NAV2: variants seen among roughly 807,000 people sequenced by gnomAD.
NAV2 encodes the protein neuron navigator 2.
A neutral mutation model predicts 223.2 loss-of-function variants in NAV2; 54 were observed. The observed-to-expected ratio is 0.24, with a 90% CI of 0.19 to 0.30. The LOEUF is 0.30. Among genes scored for constraint, NAV2 ranks in the 10% least tolerant of loss-of-function variants. The pLI, the probability that NAV2 is intolerant of heterozygous loss-of-function variation, is 1.00. For missense variants in NAV2, 2,806 were observed against 3,147.5 expected, an observed-to-expected ratio of 0.89 and a Z score of 2.60; for synonymous variants, 1,279 against 1,239.3, an observed-to-expected ratio of 1.03 and a Z score of -0.67.
intron 6 of NAV2, among the ~76,000 whole-genome samples, chr11:19,895,675 G>A (rs1484583056): frequency 2.6e-5 from 4 of 152,174 alleles, no homozygotes; most frequent in African/African-American, 7.2e-5. Flanking sequence ...GTCCCAGTCT[G>A]TAGAAGGGTG....
intron 1 of NAV2, among the ~76,000 whole-genome samples, chr11:19,779,764 C>A (rs1432053453): frequency 1.3e-5 from 2 of 152,214 alleles, no homozygotes; most frequent in African/African-American, 2.4e-5. Flanking sequence ...GTAAATGAGA[C>A]ATAATCTGTC....
intron 1 of NAV2, among the ~76,000 whole-genome samples, chr11:19,395,522 C>T (rs1184791133): frequency 6.6e-6 from 1 of 152,210 alleles, no homozygotes; most frequent in African/African-American, 2.4e-5. Flanking sequence ...GGTGCATCTG[C>T]CCAGGTCCTG....
intron 25 of NAV2, among the ~76,000 whole-genome samples, chr11:20,080,690 C>T (rs1285860266): frequency 6.6e-6 from 1 of 152,162 alleles, no homozygotes; most frequent in Non-Finnish European, 1.5e-5. Flanking sequence ...TTGACCATGT[C>T]CTATAAATAA....
chr11:19,642,414 C>T (rs1846833465), intron 1 of NAV2, among the ~76,000 whole-genome samples: 1 of 152,180 alleles, frequency 6.6e-6, no homozygotes, highest in Admixed American at 6.5e-5. Flanking sequence ...TTTGAGCAAA[C>T]TTCCATCTGG....
At chr11:19,973,935 A>C (rs989839595) in intron 10 of NAV2, among the ~76,000 whole-genome samples, 8 of 152,250 alleles carry the variant, frequency 5.3e-5, no homozygotes, top group African/African-American at 1.9e-4. Flanking sequence ...TAGGCATTTA[A>C]CTATGAGACC....
intron 1 of NAV2, among the ~76,000 whole-genome samples, chr11:19,601,038 G>C (rs75885726): frequency 6.6e-6 from 1 of 152,160 alleles, no homozygotes; most frequent in Non-Finnish European, 1.5e-5. Flanking sequence ...ATACAGTCTT[G>C]TTCTCTCAAG....
intron 1 of NAV2, among the ~76,000 whole-genome samples, chr11:19,801,373 G>A (rs2058245266): frequency 1.3e-5 from 2 of 152,234 alleles, no homozygotes; most frequent in South Asian, 4.1e-4. Context: ...GCCCTTTGCT[G>A]TCCTCCTTGG....
chr11:19,531,661 G>A (rs1460899682), intron 1 of NAV2, among the ~76,000 whole-genome samples: 1 of 152,140 alleles, frequency 6.6e-6, no homozygotes, highest in Non-Finnish European at 1.5e-5. Context: ...AATTCAAATG[G>A]ACTCATTTGT....
At chr11:20,022,701 A>C (rs1364436277) in intron 11 of NAV2, 2 of 1,017,530 alleles carry the variant, frequency 2.0e-6, no homozygotes, top group Non-Finnish European at 2.3e-6. Flanking sequence ...TGAGGATTTA[A>C]AGTAGTTTTT....
At chr11:19,491,570 G>A (rs2042627571) in intron 1 of NAV2, among the ~76,000 whole-genome samples, 1 of 152,150 alleles carries the variant, frequency 6.6e-6, no homozygotes, top group African/African-American at 2.4e-5. Context: ...AAGAGATTTA[G>A]GTCGTGTCTC....
At chr11:19,870,670 T>C (rs1326984199) in intron 4 of NAV2, among the ~76,000 whole-genome samples, 2 of 152,242 alleles carry the variant, frequency 1.3e-5, no homozygotes, top group Admixed American at 6.5e-5. Context: ...AATTGTACTT[T>C]GCAGGATTTT....
rs1007990794 is a variant in NAV2 at position 19,476,642 on chromosome 11, G to A, written c.75+125615G>A. ...GATAGGATCCATGATCCAATACACC[G>A]GGAAGCACATGTTAGACAGAACAAG... is the stretch of plus-strand genomic sequence containing the variant. On this transcript the variant is annotated intron_variant, in intron 1 of 37. Coordinates refer to the NAV2 transcript ENST00000360655. 1.6e-4 allele frequency among the ~76,000 whole-genome samples: 25 copies of A among 152,268 alleles called. 1 individual carries two copies. Among genetic ancestry groups the A allele is most frequent in the Admixed American group, 3.9e-4 (6 of 15,296 alleles).
At chr11:19,585,787 A>G (rs898939204) in intron 1 of NAV2, among the ~76,000 whole-genome samples, 6 of 152,188 alleles carry the variant, frequency 3.9e-5, no homozygotes, top group Admixed American at 1.3e-4. Context: ...GGGTAACCCA[A>G]CCTTTCTCTC....
chr11:20,114,837 A>G (rs964390510), intron 37 of NAV2, 42 bp downstream of exon 37: 2 of 1,566,710 alleles, frequency 1.3e-6, no homozygotes, highest in East Asian at 4.6e-5. Flanking sequence ...TTCCTTTAGC[A>G]CTTACTGTGT....
intron 1 of NAV2, among the ~76,000 whole-genome samples, chr11:19,799,732 G>A (rs1261393714): frequency 6.6e-6 from 1 of 152,124 alleles, no homozygotes; most frequent in African/African-American, 2.4e-5. Flanking sequence ...AGAGTCCCAA[G>A]TGCAGTAGAG....
At chr11:19,704,868 G>A (rs978868332) in intron 1 of NAV2, among the ~76,000 whole-genome samples, 5 of 151,662 alleles carry the variant, frequency 3.3e-5, no homozygotes, top group Admixed American at 2.0e-4. Context: ...AAAATTAGCC[G>A]GGCGTCGTGG....
At chr11:20,027,789 A>G (rs1338819923) in intron 11 of NAV2, 1 of 152,204 alleles carries the variant, frequency 6.6e-6, no homozygotes, top group Non-Finnish European at 1.5e-5. Context: ...AAACAACATT[A>G]TCTCACAGGG....
intron 1 of NAV2, among the ~76,000 whole-genome samples, chr11:19,464,124 A>G (rs1428922428): frequency 6.6e-6 from 1 of 152,250 alleles, no homozygotes; most frequent in Non-Finnish European, 1.5e-5. Flanking sequence ...GATCAAGCGC[A>G]GAACCTGATT....
At chr11:19,932,639 G>A (rs889388023) in intron 6 of NAV2, among the ~76,000 whole-genome samples, 60 of 152,188 alleles carry the variant, frequency 3.9e-4, no homozygotes, top group Non-Finnish European at 1.2e-4. Context: ...TTTAAAAAGT[G>A]CCAGCATAGG....
Sources: allele counts gnomAD v4.1 joint callset (sites outside exome capture counted in the v4.1 genomes callset), GRCh38; gene constraint gnomAD v4.1.1; transcripts MANE v1.5; gene names NCBI Gene and HGNC (gene_info 2026-07-23, HGNC 2026-07-21).